PRRC2C: variants seen among roughly 807,000 people sequenced by gnomAD.
The protein encoded by PRRC2C is protein PRRC2C.
In PRRC2C, 72 loss-of-function variants were observed where a neutral mutation model predicts 317.2. The ratio of observed to expected loss-of-function variants is 0.23; its 90% confidence interval spans 0.19 to 0.28. The LOEUF is 0.28. PRRC2C is among the 10% of genes least tolerant of loss of function. The pLI, the probability that PRRC2C is intolerant of heterozygous loss-of-function variation, is 1.00. For synonymous variants in PRRC2C, 1,296 were observed against 1,205.9 expected, an observed-to-expected ratio of 1.07 and a Z score of -1.55; for missense variants, 3,074 against 3,459.7, an observed-to-expected ratio of 0.89 and a Z score of 2.80.
At chr1:171,508,736 G>T (rs1023088420) in intron 1 of PRRC2C, among the ~76,000 whole-genome samples, 1 of 152,058 alleles carries the variant, frequency 6.6e-6, no homozygotes, top group South Asian at 2.1e-4. Flanking sequence ...ATTTTAATAC[G>T]CTTGCTTACT....
chr1:171,584,302 C>T, intron 29 of PRRC2C, 115 bp downstream of exon 29: 1 of 1,347,442 alleles, frequency 7.4e-7, no homozygotes, highest in Non-Finnish European at 1.0e-6. Context: ...AAAACAAAGT[C>T]CTTTCATTTA....
chr1:171,504,892 A>G (rs1669885361), intron 1 of PRRC2C, among the ~76,000 whole-genome samples: 1 of 152,124 alleles, frequency 6.6e-6, no homozygotes, highest in South Asian at 2.1e-4. Context: ...TGACATCTTA[A>G]TATTGGGTCT....
chr1:171,522,788 A>G (rs1049501156), intron 7 of PRRC2C, among the ~76,000 whole-genome samples: 8 of 151,640 alleles, frequency 5.3e-5, no homozygotes, highest in Admixed American at 3.9e-4. Flanking sequence ...CAAAAAGAAA[A>G]CTGAAAAACA....
rs932128380 is a variant in PRRC2C at position 171,523,139 on chromosome 1, G to A, written c.834-82G>A. 76 of 1,295,296 alleles carry A rather than the reference G, an allele frequency of 5.9e-5. No individual in the cohort carries two copies. The African/African-American group carries it at 1.1e-3, about 18-fold the overall frequency. The allele number at this position is 1,295,296 out of a possible 1,614,324, so 80.2% of individuals were successfully genotyped here. On this transcript the variant is annotated intron_variant, in intron 7 of 34. Coordinates refer to ENST00000647382, the MANE Select transcript of PRRC2C (RefSeq NM_001387844.1). ...GTGTAGAAAACACTAATGTTGAAAT[G>A]AACTAAATTCCAATCTTTTAGTATT...
intron 16 of PRRC2C, 109 bp from the exon 17 acceptor site, chr1:171,545,370 A>G (rs1016601071): frequency 5.4e-5 from 49 of 899,828 alleles, no homozygotes; most frequent in Non-Finnish European, 6.0e-5. Context: ...AGAGTTTTCT[A>G]TCCCAACAGT....
intron 9 of PRRC2C, 32 bp downstream of exon 9, chr1:171,523,554 A>G: frequency 3.3e-6 from 5 of 1,526,062 alleles, no homozygotes; most frequent in Non-Finnish European, 4.5e-6. Context: ...TAATAACAGT[A>G]TGAATTTGTT....
chr1:171,584,611 C>G lies in PRRC2C; in HGVS notation c.7749+85C>G, dbSNP rs1483437327. The G allele has an allele frequency of 7.8e-6, 11 of 1,411,782 alleles. No homozygotes were observed. The East Asian group carries it at 1.3e-4, about 16-fold the overall frequency. 87.5% of individuals were successfully genotyped at this position (1,411,782 alleles called of 1,614,324 possible). A position where few individuals can be genotyped will look rare whatever the true frequency, so the allele number is the denominator to read the frequency against. Reference sequence around the variant, plus strand: ...TTATTGTTTGGGAATTTAAATTGAACCAAGATGCAAGATGGAGGATGGTTT... The same window carrying G: ...TTATTGTTTGGGAATTTAAATTGAAGCAAGATGCAAGATGGAGGATGGTTT... On this transcript the variant is annotated intron_variant, in intron 30 of 34. Coordinates refer to ENST00000647382, the MANE Select transcript of PRRC2C (RefSeq NM_001387844.1).
At chr1:171,497,150 A>G (rs1374764490) in intron 1 of PRRC2C, among the ~76,000 whole-genome samples, 1 of 152,186 alleles carries the variant, frequency 6.6e-6, no homozygotes, top group East Asian at 1.9e-4. Context: ...TATCTTTGAT[A>G]TCTTATTCTA....
intron 20 of PRRC2C, among the ~76,000 whole-genome samples, chr1:171,563,665 TC>T (rs1683103430): frequency 6.6e-6 from 1 of 152,320 alleles, no homozygotes; most frequent in East Asian, 1.9e-4. Flanking sequence ...CTGTCTCCAC[TC>T]CAGTTTTCTG....
At chr1:171,582,257 C>T (rs1209786040) in intron 28 of PRRC2C, among the ~76,000 whole-genome samples, 1 of 152,180 alleles carries the variant, frequency 6.6e-6, no homozygotes, top group Non-Finnish European at 1.5e-5. Flanking sequence ...GAATTATTCT[C>T]ACTGTTCAAA....
chr1:171,509,856 T>C (rs1161935178), intron 1 of PRRC2C: 1 of 137,710 alleles, frequency 7.3e-6, no homozygotes, highest in African/African-American at 2.7e-5. Flanking sequence ...TTTTTTTTTT[T>C]TTTTTTTTTT....
In PRRC2C at chr1:171,545,016, T is replaced by C. The variant is rs570783000; in HGVS notation, c.4764-463T>C. ...CATATTAAAGTTTTTTAAATAATTA[T>C]ATCAATGTGTAAATCTGATTACATT... On this transcript the variant is annotated intron_variant, in intron 16 of 34. Coordinates refer to ENST00000647382, the MANE Select transcript of PRRC2C (RefSeq NM_001387844.1). Among the ~76,000 whole-genome samples the C allele has an allele frequency of 2.0e-5, 3 of 152,340 alleles. No individual in the cohort carries two copies. The South Asian group carries it at 6.2e-4, about 32-fold the overall frequency.
At chr1:171,519,131 G>C (rs551489964) in intron 6 of PRRC2C, among the ~76,000 whole-genome samples, 1 of 152,140 alleles carries the variant, frequency 6.6e-6, no homozygotes, top group South Asian at 2.1e-4. Flanking sequence ...TGATCCACCC[G>C]CCTCAGCCTC....
intron 17 of PRRC2C, among the ~76,000 whole-genome samples, chr1:171,546,250 A>G (rs1342828288): frequency 6.6e-6 from 1 of 152,238 alleles, no homozygotes; most frequent in Non-Finnish European, 1.5e-5. Flanking sequence ...AAAACAGACA[A>G]GGAATATCTG....
In PRRC2C at chr1:171,592,311, G is replaced by A. The variant is rs571577373; in HGVS notation, c.*464G>A. 1.3e-5 allele frequency: 2 copies of A among 153,968 alleles called. No individual in the cohort carries two copies. Among genetic ancestry groups the A allele is most frequent in the African/African-American group, 2.4e-5 (1 of 41,560 alleles). The allele number at this position is 153,968 out of a possible 1,614,324, so 9.5% of individuals were successfully genotyped here. On this transcript the variant is annotated 3_prime_UTR_variant, in exon 35 of 35. Coordinates refer to ENST00000647382, the MANE Select transcript of PRRC2C (RefSeq NM_001387844.1). ...TATGGTTATGGCATTTGTAGGCTTG[G>A]AGGTAAAGAACTGAAGATAACTGGT...
chr1:171,533,473 A>T (rs1438941793), intron 12 of PRRC2C, among the ~76,000 whole-genome samples: 1 of 152,184 alleles, frequency 6.6e-6, no homozygotes, highest in African/African-American at 2.4e-5. Flanking sequence ...ATTATACTTT[A>T]AAATAAAATT....
At chr1:171,562,213 A>G (rs1034266525) in intron 20 of PRRC2C, among the ~76,000 whole-genome samples, 7 of 152,328 alleles carry the variant, frequency 4.6e-5, no homozygotes, top group Admixed American at 4.6e-4. Flanking sequence ...AATAGCAAAT[A>G]TGAATGCCAT....
intron 18 of PRRC2C, among the ~76,000 whole-genome samples, chr1:171,556,214 C>T (rs888593319): frequency 3.3e-5 from 5 of 152,212 alleles, no homozygotes; most frequent in South Asian, 2.1e-4. Context: ...GCTCTATGGG[C>T]GTGGGACCTG....
At chr1:171,502,533 T>C (rs10737319) in intron 1 of PRRC2C, among the ~76,000 whole-genome samples, 145,396 of 152,246 alleles carry the variant, frequency 0.96, 69,494 homozygotes, top group East Asian at 1. Context: ...GTTTTTCATT[T>C]CTACATTTTT....
Sources: gnomAD v4.1 joint callset for allele counts (sites outside exome capture counted in the v4.1 genomes callset) on GRCh38, gnomAD v4.1.1 for gene constraint, MANE v1.5 for transcripts, NCBI Gene and HGNC (gene_info 2026-07-23, HGNC 2026-07-21) for gene names.